The following PTPRQ variants were observed in gnomAD, a reference collection of about 807,000 sequenced individuals.
PTPRQ encodes protein tyrosine phosphatase receptor type Q.
In PTPRQ, 199 loss-of-function variants were observed where a neutral mutation model predicts 246.0. The observed-to-expected ratio is 0.81, with a 90% CI of 0.72 to 0.91. PTPRQ has a LOEUF of 0.91. PTPRQ is among the 40% of genes least tolerant of loss of function. PTPRQ has a pLI of 0.00. For synonymous variants in PTPRQ, 869 were observed against 853.2 expected (o/e 1.02, Z -0.32); for missense variants, 2,624 against 2,528.4 (o/e 1.04, Z -0.81).
intron 26 of PTPRQ, among the ~76,000 whole-genome samples, chr12:80,600,613 A>G (rs555327702): frequency 6.6e-6 from 1 of 151,974 alleles, no homozygotes; most frequent in South Asian, 2.1e-4. Flanking sequence ...CTTGCTTGCT[A>G]GAATGAGTTA....
chr12:80,588,236 A>G lies in PTPRQ; in HGVS notation c.4393A>G (p.Ile1465Val), dbSNP rs1283914901. The G allele has an allele frequency of 7.1e-6, 11 of 1,551,666 alleles. No individual in the cohort carries two copies. Among genetic ancestry groups the G allele is most frequent in the Non-Finnish European group, 9.6e-6 (11 of 1,146,948 alleles). ...TILGYFQNYK[I>V]TTQLRAQKCK... ...CCTTGGCTACTTTCAAAATTACAAA[A>G]TTACCACTCAACTTCGTGCTCAAAA... The change falls in exon 26 of 45, where the codon ATT becomes GTT. Residue 1465 changes from isoleucine (I) to valine (V), a missense_variant. Coordinates refer to ENST00000644991, the MANE Select transcript of PTPRQ (RefSeq NM_001145026.2).
chr12:80,642,917 CT>C lies in PTPRQ; in HGVS notation c.5916-5978del, dbSNP rs1450036790. On this transcript the variant is annotated intron_variant, in intron 35 of 44. Transcript: ENST00000644991. ...CCTGGGCGACAGAGCGAGACTCCGT[CT>C]TAAAAAAAAAAAAAAAAAAAAAAAA... is the stretch of plus-strand genomic sequence containing the variant. Among the ~76,000 whole-genome samples the C allele has an allele frequency of 0.019, 900 of 48,200 alleles. 70 individuals carry two copies. The African/African-American group carries it at 0.2, about 11-fold the overall frequency. The allele number at this position is 48,200 out of a possible 152,430, so 31.6% of individuals were successfully genotyped here.
At chr12:80,551,048 A>G (rs1417958596) in intron 25 of PTPRQ, among the ~76,000 whole-genome samples, 1 of 151,778 alleles carries the variant, frequency 6.6e-6, no homozygotes, top group Non-Finnish European at 1.5e-5. Context: ...TTTTAATCTT[A>G]TGTCTTCTCT....
At chr12:80,594,693 A>T (rs1408188186) in intron 26 of PTPRQ, among the ~76,000 whole-genome samples, 1 of 152,092 alleles carries the variant, frequency 6.6e-6, no homozygotes, top group South Asian at 2.1e-4. Flanking sequence ...AATCATTGTT[A>T]GTTCTTTTTA....
intron 25 of PTPRQ, among the ~76,000 whole-genome samples, chr12:80,555,286 C>T (rs1896612673): frequency 6.6e-6 from 1 of 152,252 alleles, no homozygotes; most frequent in Admixed American, 6.5e-5. Flanking sequence ...TCTCAAACTC[C>T]TGGTTCAAGC....
Position 80,669,361 on chromosome 12 carries a change from CA to C in PTPRQ, c.6351del (p.Glu2118ArgfsTer12). 1.4e-5 allele frequency: 22 copies of C among 1,549,248 alleles called. No individual in the cohort carries two copies. The highest frequency in any genetic ancestry group is 1.7e-5 in the Non-Finnish European group (20 of 1,145,870). On this transcript the variant is annotated frameshift_variant, in exon 41 of 45. Coordinates refer to ENST00000644991, the MANE Select transcript of PTPRQ (RefSeq NM_001145026.2). LOFTEE classifies it high-confidence loss of function. ...KGRIRCHQYW[P>X]EDNKPVTVFG... Reference sequence around the variant, plus strand: ...CAGATCAGATGCCATCAGTATTGGCCAGAGGACAACAAGCCAGTTACTGTCT... The same window carrying C: ...CAGATCAGATGCCATCAGTATTGGCCGAGGACAACAAGCCAGTTACTGTCT...
chr12:80,585,898 A>C (rs1171406941), intron 25 of PTPRQ, among the ~76,000 whole-genome samples: 2 of 87,822 alleles, frequency 2.3e-5, no homozygotes, highest in Non-Finnish European at 4.2e-5. Flanking sequence ...CCCACCCCAC[A>C]ACAGTCCCCA....
intron 27 of PTPRQ, among the ~76,000 whole-genome samples, 171 bp from the exon 28 acceptor site, chr12:80,610,268 T>G (rs1592714374): frequency 6.6e-6 from 1 of 150,546 alleles, no homozygotes; most frequent in East Asian, 1.9e-4. Context: ...TAATTAATAA[T>G]TAGTAAGCTG....
In PTPRQ at chr12:80,448,282, A is replaced by T. The variant is rs377579377; in HGVS notation, c.390+2565A>T. On this transcript the variant is annotated intron_variant, in intron 3 of 44. Coordinates refer to ENST00000644991, the MANE Select transcript of PTPRQ (RefSeq NM_001145026.2). ...GAAATTGTTTATCAAGTCTAGGATT[A>T]TTATTTTTGAGTTGTCGTTAGAGTT... Among the ~76,000 whole-genome samples the T allele has an allele frequency of 3.3e-5, 5 of 152,148 alleles. No individual in the cohort carries two copies. The East Asian group carries it at 5.8e-4, about 18-fold the overall frequency.
intron 10 of PTPRQ, among the ~76,000 whole-genome samples, chr12:80,494,605 C>A (rs1894550760): frequency 6.6e-6 from 1 of 151,806 alleles, no homozygotes; most frequent in South Asian, 2.1e-4. Context: ...TCCTAACCAG[C>A]CTCTTTAAGA....
At chr12:80,619,310 A>G in intron 30 of PTPRQ, 74 bp from the exon 31 acceptor site, 1 of 1,476,654 alleles carries the variant, frequency 6.8e-7, no homozygotes. Context: ...TAACTGCATG[A>G]AAGGAGAAAG....
At chr12:80,672,210 G>A (rs1317765976) in intron 42 of PTPRQ, among the ~76,000 whole-genome samples, 1 of 151,686 alleles carries the variant, frequency 6.6e-6, no homozygotes, top group Non-Finnish European at 1.5e-5. Context: ...TATAAACTCT[G>A]TAAGTGCAGG....
intron 5 of PTPRQ, among the ~76,000 whole-genome samples, chr12:80,459,864 T>C (rs1742194630): frequency 6.6e-6 from 1 of 152,164 alleles, no homozygotes; most frequent in Non-Finnish European, 1.5e-5. Context: ...AAGTGTAAGA[T>C]ATAATTGGAG....
At chr12:80,493,483 G>A (rs1193168371) in intron 10 of PTPRQ, 28 bp downstream of exon 10, 2 of 1,539,206 alleles carry the variant, frequency 1.3e-6, no homozygotes, top group African/African-American at 2.8e-5. Context: ...TTTCTATAAA[G>A]TTCATTTAAA....
At chr12:80,480,262 C>A (rs1366579180) in intron 8 of PTPRQ, among the ~76,000 whole-genome samples, 2 of 152,114 alleles carry the variant, frequency 1.3e-5, no homozygotes, top group Non-Finnish European at 2.9e-5. Flanking sequence ...ACAACCTGCT[C>A]CTGAATGACT....
At chr12:80,541,163 A>C (rs570897502) in intron 20 of PTPRQ, among the ~76,000 whole-genome samples, 1 of 152,014 alleles carries the variant, frequency 6.6e-6, no homozygotes, top group South Asian at 2.1e-4. Context: ...TCATATGTAC[A>C]ACAAGGGTAA....
intron 35 of PTPRQ, among the ~76,000 whole-genome samples, chr12:80,644,455 C>T (rs901937046): frequency 6.6e-6 from 1 of 151,734 alleles, no homozygotes; most frequent in Non-Finnish European, 1.5e-5. Context: ...TCTAAAAATG[C>T]TTTCCATTTA....
In PTPRQ at chr12:80,521,678, T is replaced by A. The variant is rs189406978; in HGVS notation, c.2678+11235T>A. Among the ~76,000 whole-genome samples the A allele has an allele frequency of 6.7e-3, 1,016 of 152,288 alleles. 11 individuals are homozygous for A. Among genetic ancestry groups the A allele is most frequent in the African/African-American group, 0.023 (961 of 41,556 alleles). ...GTCAAAGATCAGATAGTTGTAGATA[T>A]GAGGCGTTATTTCTGAGGGCTCTGT... is the stretch of plus-strand genomic sequence containing the variant. On this transcript the variant is annotated intron_variant, in intron 17 of 44. Transcript: ENST00000644991.
At chr12:80,574,517 T>TAA (rs1228950941) in intron 25 of PTPRQ, among the ~76,000 whole-genome samples, 1 of 152,208 alleles carries the variant, frequency 6.6e-6, no homozygotes, top group East Asian at 1.9e-4. Flanking sequence ...TCTACTGGGT[T>TAA]AACTATATAT....
Sources: allele counts gnomAD v4.1 joint callset (sites outside exome capture counted in the v4.1 genomes callset), GRCh38; gene constraint gnomAD v4.1.1; transcripts MANE v1.5; gene names NCBI Gene and HGNC (gene_info 2026-07-23, HGNC 2026-07-21).